SORCS1: variants seen among roughly 807,000 people sequenced by gnomAD.
SORCS1 encodes sortilin related VPS10 domain containing receptor 1.
In SORCS1, 60 loss-of-function variants were observed where a neutral mutation model predicts 146.1. The ratio of observed to expected loss-of-function variants is 0.41; its 90% CI spans 0.33 to 0.51. The LOEUF (loss-of-function observed/expected upper bound fraction) is 0.51, where lower values mean the gene tolerates loss of function less well. SORCS1 is among the 20% of genes least tolerant of loss of function. The probability of loss-of-function intolerance (pLI) is 0.21; values close to 1 mark genes in which losing one functional copy is unlikely to be tolerated. For missense variants in SORCS1, 1,352 were observed against 1,487.6 expected, an observed-to-expected ratio of 0.91 and a Z score of 1.50; for synonymous variants, 637 against 584.0, an observed-to-expected ratio of 1.09 and a Z score of -1.31.
In SORCS1 at chr10:107,001,257, C is replaced by T. The variant is rs74154814; in HGVS notation, c.559-44677G>A. Reference sequence around the variant, plus strand: ...GGAATATGGTTATGTTGGGCTGGTGCCAGATGTAAAGGTCTCTAAAATGAA... The same window carrying T: ...GGAATATGGTTATGTTGGGCTGGTGTCAGATGTAAAGGTCTCTAAAATGAA... On this transcript the variant is annotated intron_variant, in intron 1 of 25. Transcript: ENST00000263054. 6.4e-3 allele frequency among the ~76,000 whole-genome samples: 981 copies of T among 152,198 alleles called. 16 individuals are homozygous for T. The highest frequency in any genetic ancestry group is 0.022 in the African/African-American group (934 of 41,516).
At position 106,613,123 on chromosome 10, in the gene SORCS1, T is replaced by C. The variant is rs530675432; in HGVS notation, c.2921-1100A>G. On this transcript the variant is annotated intron_variant, in intron 21 of 25. Transcript: ENST00000263054. Reference sequence around the variant, plus strand: ...TATTTATAATTATCACTGTAATCATTCTATTGCTATCGTTTGTTTGCATGG... The same window carrying C: ...TATTTATAATTATCACTGTAATCATCCTATTGCTATCGTTTGTTTGCATGG... Among the ~76,000 whole-genome samples, 3 of 152,346 alleles carry C rather than the reference T, an allele frequency of 2.0e-5. No homozygotes were observed. In the East Asian group the frequency reaches 5.8e-4, roughly 29 times the overall value.
At chr10:106,889,605 A>T (rs1174268400) in intron 2 of SORCS1, among the ~76,000 whole-genome samples, 1 of 151,918 alleles carries the variant, frequency 6.6e-6, no homozygotes, top group African/African-American at 2.4e-5. Flanking sequence ...TCTACTAAAC[A>T]TACAAAAAAA....
At chr10:107,154,725 C>T (rs1476610381) in intron 1 of SORCS1, among the ~76,000 whole-genome samples, 1 of 152,124 alleles carries the variant, frequency 6.6e-6, no homozygotes, top group African/African-American at 2.4e-5. Flanking sequence ...ATATTACAAA[C>T]ATCTTTTAAT....
intron 18 of SORCS1, among the ~76,000 whole-genome samples, chr10:106,634,810 G>A (rs1848637389): frequency 6.6e-6 from 1 of 152,190 alleles, no homozygotes; most frequent in South Asian, 2.1e-4. Flanking sequence ...TCAGTAGTCA[G>A]GAAAGTCTTG....
intron 3 of SORCS1, 50 bp downstream of exon 3, chr10:106,829,524 G>C (rs2137006224): frequency 1.4e-6 from 2 of 1,412,544 alleles, no homozygotes; most frequent in Non-Finnish European, 2.0e-6. Flanking sequence ...AGCCAACCAA[G>C]ACAGAAGTCA....
intron 5 of SORCS1, among the ~76,000 whole-genome samples, chr10:106,751,246 T>A (rs1001169227): frequency 6.6e-6 from 1 of 151,890 alleles, no homozygotes; most frequent in Non-Finnish European, 1.5e-5. Flanking sequence ...TCAGTAGACC[T>A]TGGGAAGGGA....
chr10:107,026,814 C>T (rs1196436112), intron 1 of SORCS1, among the ~76,000 whole-genome samples: 3 of 151,882 alleles, frequency 2.0e-5, no homozygotes, highest in Non-Finnish European at 4.4e-5. Flanking sequence ...CATGAGTCAA[C>T]TTGTACATCT....
intron 1 of SORCS1, among the ~76,000 whole-genome samples, chr10:107,157,544 C>T (rs1055028382): frequency 6.6e-6 from 1 of 152,086 alleles, no homozygotes; most frequent in African/African-American, 2.4e-5. Flanking sequence ...GAAAAAAGGG[C>T]TATAACTGAT....
chr10:106,695,450 G>A (rs1261082260), intron 9 of SORCS1, among the ~76,000 whole-genome samples: 1 of 152,156 alleles, frequency 6.6e-6, no homozygotes, highest in Non-Finnish European at 1.5e-5. Flanking sequence ...TGATCCTTCA[G>A]GAAAAATGTG....
chr10:106,583,008 C>G (rs888141592), intron 24 of SORCS1, among the ~76,000 whole-genome samples: 3 of 152,162 alleles, frequency 2.0e-5, no homozygotes, highest in Admixed American at 2.0e-4. Flanking sequence ...GAGCCCTTTT[C>G]AGAATCAAAC....
chr10:106,947,183 G>T (rs1246057830), intron 2 of SORCS1, among the ~76,000 whole-genome samples: 1 of 152,208 alleles, frequency 6.6e-6, no homozygotes, highest in African/African-American at 2.4e-5. Flanking sequence ...GGGGAAATCT[G>T]CAAACTATTA....
chr10:106,594,215 T>C (rs952698710), intron 24 of SORCS1, among the ~76,000 whole-genome samples: 1 of 152,256 alleles, frequency 6.6e-6, no homozygotes, highest in Non-Finnish European at 1.5e-5. Flanking sequence ...CTATTTGTCA[T>C]TGAAGAAAGT....
At chr10:106,692,274 C>T (rs1853351704) in intron 9 of SORCS1, among the ~76,000 whole-genome samples, 1 of 151,988 alleles carries the variant, frequency 6.6e-6, no homozygotes, top group African/African-American at 2.4e-5. Context: ...GTCACATTGC[C>T]CAGGCTGGTC....
chr10:106,953,876 T>C (rs1354360907), intron 2 of SORCS1, among the ~76,000 whole-genome samples: 1 of 152,202 alleles, frequency 6.6e-6, no homozygotes, highest in Non-Finnish European at 1.5e-5. Flanking sequence ...ACAGTATGCA[T>C]CCTTCAGTGA....
intron 24 of SORCS1, among the ~76,000 whole-genome samples, chr10:106,596,042 C>T (rs1211637053): frequency 6.6e-6 from 1 of 152,176 alleles, no homozygotes; most frequent in Non-Finnish European, 1.5e-5. Flanking sequence ...GATGCTATTA[C>T]CATCTCTGAG....
intron 2 of SORCS1, among the ~76,000 whole-genome samples, chr10:106,883,926 G>A (rs1199530160): frequency 6.6e-6 from 1 of 152,156 alleles, no homozygotes; most frequent in Non-Finnish European, 1.5e-5. Flanking sequence ...GTACAGTCTT[G>A]CTCAAAATTC....
chr10:106,934,687 T>C (rs1953616570), intron 2 of SORCS1, among the ~76,000 whole-genome samples: 2 of 152,078 alleles, frequency 1.3e-5, no homozygotes, highest in African/African-American at 4.8e-5. Flanking sequence ...ATTGAGTGTA[T>C]AAAGAAAATG....
At chr10:106,983,372 G>A (rs1019955425) in intron 1 of SORCS1, among the ~76,000 whole-genome samples, 13 of 151,588 alleles carry the variant, frequency 8.6e-5, no homozygotes, top group Admixed American at 2.6e-4. Flanking sequence ...ATAGTTGCTT[G>A]TATTATTTAC....
At chr10:106,629,731 T>C (rs745381739) in intron 18 of SORCS1, among the ~76,000 whole-genome samples, 3 of 152,186 alleles carry the variant, frequency 2.0e-5, no homozygotes, top group Admixed American at 6.5e-5. Flanking sequence ...ATAAAAGGTG[T>C]ACACACACAA....
Sources: allele counts gnomAD v4.1 joint callset (sites outside exome capture counted in the v4.1 genomes callset), GRCh38; gene constraint gnomAD v4.1.1; transcripts MANE v1.5; gene names NCBI Gene and HGNC (gene_info 2026-07-23, HGNC 2026-07-21).